Variants in ARSG observed in about 807,000 individuals in gnomAD.
ARSG encodes the protein arylsulfatase G, also known as ASG.
ARSG carries 37 observed loss-of-function variants against 50.5 expected under a neutral mutation model. The ratio of observed to expected loss-of-function variants is 0.73; its 90% confidence interval spans 0.56 to 0.96. ARSG has a LOEUF of 0.96. ARSG is among the 50% of genes least tolerant of loss of function. ARSG has a pLI of 0.00. For missense variants in ARSG, 629 were observed against 675.3 expected (o/e 0.93, Z 0.76); for synonymous variants, 225 against 254.6 (o/e 0.88, Z 1.11).
At chr17:68,444,376 C>T in the ARSG span, 8 of 901,990 alleles carry the variant, frequency 8.9e-6, no homozygotes, top group Non-Finnish European at 1.4e-5. Flanking sequence ...ATAAACCTCA[C>T]TAAGACTCAA....
chr17:68,421,543 G>A (rs772900172), downstream of ARSG: 32 of 556,568 alleles, frequency 5.7e-5, no homozygotes, highest in Admixed American at 3.0e-4. Flanking sequence ...TAGTTTGAAC[G>A]TATTTTAAAT....
chr17:68,272,574 T>C, intron 1 of ARSG: 1 of 1,579,988 alleles, frequency 6.3e-7, no homozygotes, highest in Non-Finnish European at 8.6e-7. Context: ...AAAGTTAGCG[T>C]AGCAAGAATA....
chr17:68,398,413 A>G (rs2081342220), intron 10 of ARSG, among the ~76,000 whole-genome samples: 1 of 152,226 alleles, frequency 6.6e-6, no homozygotes, highest in Non-Finnish European at 1.5e-5. Flanking sequence ...ATATATGCAT[A>G]TATCAATATA....
intron 1 of ARSG, chr17:68,274,039 G>C (rs782327279): frequency 6.2e-7 from 1 of 1,614,142 alleles, no homozygotes; most frequent in African/African-American, 1.3e-5. Context: ...GACGGTGTCC[G>C]AAACGATTGC....
chr17:68,278,036 A>C, intron 1 of ARSG: 1 of 1,263,468 alleles, frequency 7.9e-7, no homozygotes, highest in Middle Eastern at 1.9e-4. Context: ...CAAGGTAGCC[A>C]AATTAAAAGG....
Position 68,271,041 on chromosome 17 carries a change from C to G in ARSG, c.-552+11615C>G. On this transcript the variant is annotated intron_variant, in intron 1 of 11. Coordinates refer to the ARSG transcript ENST00000448504. The surrounding 1 kb of genome is among the most constrained non-coding windows in gnomAD (Gnocchi z 5.3). Reference sequence around the variant, plus strand: ...ATTCAGTAGCAAAAGTAAAGGCAAACAGAGACACAGTCAATAAGATGACGC... The same window carrying G: ...ATTCAGTAGCAAAAGTAAAGGCAAAGAGAGACACAGTCAATAAGATGACGC... 1.2e-6 allele frequency: 2 copies of G among 1,614,162 alleles called. No individual in the cohort carries two copies. The highest frequency in any genetic ancestry group is 1.7e-6 in the Non-Finnish European group (2 of 1,180,040).
intron 1 of ARSG, among the ~76,000 whole-genome samples, chr17:68,282,064 C>T (rs1222646366): frequency 1.3e-5 from 2 of 152,180 alleles, no homozygotes; most frequent in Admixed American, 6.6e-5. Flanking sequence ...ATGTTTATTG[C>T]GGCACTATTC....
chr17:68,444,210 A>C, the ARSG span, among the ~76,000 whole-genome samples: 1 of 152,180 alleles, frequency 6.6e-6, no homozygotes, highest in Non-Finnish European at 1.5e-5. Flanking sequence ...GAAATCTTTT[A>C]CATGTCTACC....
chr17:68,434,388 T>C, the ARSG span, among the ~76,000 whole-genome samples: 4 of 152,232 alleles, frequency 2.6e-5, no homozygotes, highest in Admixed American at 6.5e-5. Context: ...TCAGTTTTGC[T>C]GAGCCCTAAG....
At chr17:68,290,917 CTAA>C (rs1555755639), upstream of ARSG, among the ~76,000 whole-genome samples, 1 of 29,548 alleles carries the variant, frequency 3.4e-5, no homozygotes, top group East Asian at 8.3e-4. Context: ...CTGGGCATTC[CTAA>C]CTGTCAGAGC....
intron 2 of ARSG, among the ~76,000 whole-genome samples, chr17:68,339,716 G>A (rs1360152175): frequency 6.6e-6 from 1 of 152,178 alleles, no homozygotes; most frequent in African/African-American, 2.4e-5. Flanking sequence ...TAGATCTAGA[G>A]GTTTGATTAG....
chr17:68,330,326 A>G (rs1349463487), intron 2 of ARSG, among the ~76,000 whole-genome samples: 1 of 152,172 alleles, frequency 6.6e-6, no homozygotes. Flanking sequence ...GCTGCCACTT[A>G]TAGCTGGGGA....
intron 9 of ARSG, among the ~76,000 whole-genome samples, chr17:68,392,493 A>G (rs1176541538): frequency 6.6e-6 from 1 of 151,880 alleles, no homozygotes; most frequent in Non-Finnish European, 1.5e-5. Context: ...AACATTCGCT[A>G]TTTTTATTTA....
chr17:68,395,217 A>T (rs773204469), intron 10 of ARSG, 24 bp downstream of exon 10: 3 of 1,612,742 alleles, frequency 1.9e-6, no homozygotes, highest in Non-Finnish European at 2.5e-6. Flanking sequence ...GTACTTGCCC[A>T]CATGTAGGCT....
At position 68,335,745 on chromosome 17, in the gene ARSG, G is replaced by A. The variant is rs571673295; in HGVS notation, c.219-7859G>A. ...GACAGCTGGGATTTGCCAATGAATG[G>A]AAGGTAGGATAGTGGGGAGAGACAT... On this transcript the variant is annotated intron_variant, in intron 2 of 11. Transcript: ENST00000621439. Among the ~76,000 whole-genome samples, 26 of 152,280 alleles carry A rather than the reference G, an allele frequency of 1.7e-4. No homozygotes were observed. In the South Asian group the frequency reaches 4.1e-3, roughly 24 times the overall value.
intron 1 of ARSG, among the ~76,000 whole-genome samples, chr17:68,283,974 C>T (rs1286553399): frequency 6.6e-6 from 1 of 151,540 alleles, no homozygotes; most frequent in African/African-American, 2.4e-5. Context: ...GCCTGTTATC[C>T]CAGCTACCCA....
At chr17:68,407,879 T>G (rs1600128060) in intron 11 of ARSG, among the ~76,000 whole-genome samples, 1 of 152,232 alleles carries the variant, frequency 6.6e-6, no homozygotes, top group Middle Eastern at 3.4e-3. Context: ...CTTTCTCTTG[T>G]CTTGCTCTGG....
At chr17:68,289,876 T>C (rs1052124109), upstream of ARSG, among the ~76,000 whole-genome samples, 11 of 152,160 alleles carry the variant, frequency 7.2e-5, no homozygotes, top group Admixed American at 3.3e-4. Flanking sequence ...CTGCATTGTT[T>C]ATTTACACAC....
intron 4 of ARSG, among the ~76,000 whole-genome samples, chr17:68,349,887 GA>G (rs898827678): frequency 6.6e-6 from 1 of 150,442 alleles, no homozygotes; most frequent in East Asian, 1.9e-4. Context: ...GTCTCAAAAA[GA>G]AAAAAAAATA....
Sources: allele counts gnomAD v4.1 joint callset (sites outside exome capture counted in the v4.1 genomes callset), GRCh38; gene constraint gnomAD v4.1.1; non-coding constraint Gnocchi (gnomAD v3.1); transcripts MANE v1.5; gene names NCBI Gene and HGNC (gene_info 2026-07-23, HGNC 2026-07-21).